ASTN2: variants seen among roughly 807,000 people sequenced by gnomAD.
ASTN2 encodes astrotactin 2.
ASTN2 carries 54 observed loss-of-function variants against 139.8 expected under a neutral mutation model. That is an observed-to-expected ratio of 0.39 (90% CI 0.31 to 0.48). ASTN2 has a LOEUF of 0.48. ASTN2 is among the 20% of genes least tolerant of loss of function. ASTN2 has a pLI of 0.95. For synonymous variants in ASTN2, 756 were observed against 719.5 expected (o/e 1.05, Z -0.81); for missense variants, 1,565 against 1,725.1 (o/e 0.91, Z 1.64).
At chr9:116,860,748 G>C (rs1054604599) in intron 11 of ASTN2, among the ~76,000 whole-genome samples, 4 of 152,214 alleles carry the variant, frequency 2.6e-5, no homozygotes, top group African/African-American at 9.7e-5. Flanking sequence ...TCTGCTTCCT[G>C]AGCCTGTTTC....
intron 10 of ASTN2, among the ~76,000 whole-genome samples, chr9:116,901,032 T>C (rs548056485): frequency 6.6e-6 from 1 of 152,168 alleles, no homozygotes; most frequent in South Asian, 2.1e-4. Flanking sequence ...ATAGAATGAG[T>C]GGCTGTGGTT....
chr9:116,917,820 TGGC>T (rs1834493892), intron 10 of ASTN2, among the ~76,000 whole-genome samples: 1 of 152,214 alleles, frequency 6.6e-6, no homozygotes, highest in Non-Finnish European at 1.5e-5. Flanking sequence ...CCTGGGACTC[TGGC>T]ATGAACATGG....
intron 17 of ASTN2, among the ~76,000 whole-genome samples, chr9:116,631,656 T>C (rs1202935979): frequency 2.0e-5 from 3 of 152,132 alleles, no homozygotes; most frequent in Non-Finnish European, 4.4e-5. Context: ...TGTTCAATAG[T>C]ACAGTAGGAT....
At chr9:117,084,740 G>A (rs1165945071) in intron 5 of ASTN2, among the ~76,000 whole-genome samples, 1 of 152,216 alleles carries the variant, frequency 6.6e-6, no homozygotes, top group Non-Finnish European at 1.5e-5. Context: ...AAGCCAGGAT[G>A]GGAATTGGAA....
Position 116,659,169 on chromosome 9 carries a change from C to T in ASTN2, c.2807-7376G>A, listed in dbSNP as rs569242687. Among the ~76,000 whole-genome samples the T allele has an allele frequency of 5.3e-5, 8 of 151,736 alleles. No individual in the cohort carries two copies. The East Asian group carries it at 1.5e-3, about 29-fold the overall frequency. On this transcript the variant is annotated intron_variant, in intron 16 of 22. Coordinates refer to ENST00000313400, the MANE Select transcript of ASTN2 (RefSeq NM_001365068.1). ...AATCGTTTATATCCTCATTATAGTA[C>T]ATGTCACGTTTTTATTATTTGATTT...
intron 1 of ASTN2, among the ~76,000 whole-genome samples, chr9:117,361,617 T>C (rs1010493364): frequency 2.6e-5 from 4 of 152,198 alleles, no homozygotes; most frequent in African/African-American, 9.7e-5. Context: ...GAAATGTCAA[T>C]GGCGCTCAGC....
chr9:117,282,838 A>G (rs1212115258), intron 2 of ASTN2, among the ~76,000 whole-genome samples: 1 of 149,310 alleles, frequency 6.7e-6, no homozygotes, highest in Non-Finnish European at 1.5e-5. Context: ...GAAGTAAAGC[A>G]TGGTGTGGCC....
chr9:116,445,201 T>A (rs1341234001), intron 20 of ASTN2, among the ~76,000 whole-genome samples: 1 of 152,168 alleles, frequency 6.6e-6, no homozygotes, highest in Non-Finnish European at 1.5e-5. Flanking sequence ...ATACCACCTC[T>A]CATTTCTTTA....
chr9:117,109,094 A>G (rs1020628349), intron 4 of ASTN2, among the ~76,000 whole-genome samples: 6 of 152,016 alleles, frequency 3.9e-5, no homozygotes, highest in African/African-American at 1.2e-4. Flanking sequence ...CAGCCTGGCT[A>G]ACATAGTGAA....
chr9:117,336,864 C>T (rs967718930), intron 1 of ASTN2, among the ~76,000 whole-genome samples: 2 of 152,092 alleles, frequency 1.3e-5, no homozygotes, highest in African/African-American at 2.4e-5. Context: ...GAAGCTTTAG[C>T]CATTATGAAA....
At chr9:116,550,586 G>A (rs73524153) in intron 19 of ASTN2, among the ~76,000 whole-genome samples, 3,207 of 152,234 alleles carry the variant, frequency 0.021, 102 homozygotes, top group African/African-American at 0.073. Context: ...GGAAAAGGGA[G>A]AGAAAATAAG....
At position 116,840,219 on chromosome 9, in the gene ASTN2, A is replaced by G. The variant is rs1036562320; in HGVS notation, c.2041-19436T>C. On this transcript the variant is annotated intron_variant, in intron 11 of 22. Coordinates refer to ENST00000313400, the MANE Select transcript of ASTN2 (RefSeq NM_001365068.1). Reference sequence around the variant, plus strand: ...TAAGGTCACCGATCAACAGGATCCCAAGGCAGAACAATTTTTCTTAGTACA... The same window carrying G: ...TAAGGTCACCGATCAACAGGATCCCGAGGCAGAACAATTTTTCTTAGTACA... Among the ~76,000 whole-genome samples, 6 of 148,188 alleles carry G rather than the reference A, an allele frequency of 4.0e-5. No homozygotes were observed. In the South Asian group the frequency reaches 6.4e-4, roughly 16 times the overall value.
chr9:116,994,825 T>C (rs1473956864), intron 7 of ASTN2, among the ~76,000 whole-genome samples: 3 of 152,178 alleles, frequency 2.0e-5, no homozygotes, highest in Non-Finnish European at 4.4e-5. Flanking sequence ...TTAGGATATA[T>C]TCATTTCACT....
chr9:117,008,844 G>A (rs1003761834), intron 6 of ASTN2, among the ~76,000 whole-genome samples: 1 of 152,116 alleles, frequency 6.6e-6, no homozygotes, highest in African/African-American at 2.4e-5. Context: ...TAGCATCCAG[G>A]CCTCCTCACC....
intron 2 of ASTN2, among the ~76,000 whole-genome samples, chr9:117,230,014 A>T (rs953407153): frequency 6.6e-6 from 1 of 152,044 alleles, no homozygotes; most frequent in African/African-American, 2.4e-5. Flanking sequence ...TCTACAAAAA[A>T]TAAAAATAAA....
At chr9:117,012,152 T>C (rs745346655) in intron 6 of ASTN2, among the ~76,000 whole-genome samples, 8 of 152,190 alleles carry the variant, frequency 5.3e-5, no homozygotes, top group Admixed American at 3.9e-4. Flanking sequence ...ATTCACTTCA[T>C]CATGGAATTG....
intron 7 of ASTN2, among the ~76,000 whole-genome samples, chr9:116,998,547 T>TTTCA (rs1338801291): frequency 5.9e-5 from 2 of 33,732 alleles, no homozygotes; most frequent in African/African-American, 1.3e-4. Flanking sequence ...GAAATTTGAT[T>TTTCA]TTCATCCATC....
At chr9:116,607,757 C>T (rs1209355901) in intron 19 of ASTN2, among the ~76,000 whole-genome samples, 3 of 150,272 alleles carry the variant, frequency 2.0e-5, no homozygotes, top group Admixed American at 6.6e-5. Flanking sequence ...GTCAGGAGAT[C>T]GAGACCATCC....
intron 13 of ASTN2, among the ~76,000 whole-genome samples, chr9:116,735,925 T>C (rs1201320824): frequency 6.6e-6 from 1 of 152,202 alleles, no homozygotes; most frequent in Non-Finnish European, 1.5e-5. Flanking sequence ...GTGGAATGGC[T>C]ACAATAACAA....
Sources: allele counts gnomAD v4.1 joint callset (sites outside exome capture counted in the v4.1 genomes callset), GRCh38; gene constraint gnomAD v4.1.1; transcripts MANE v1.5; gene names NCBI Gene and HGNC (gene_info 2026-07-23, HGNC 2026-07-21).